NTRK2: variants seen among roughly 807,000 people sequenced by gnomAD.
NTRK2 encodes the protein BDNF/NT-3 growth factors receptor.
In NTRK2, 13 loss-of-function variants were observed where a neutral mutation model predicts 94.5. That is an observed-to-expected ratio of 0.14 (90% confidence interval 0.09 to 0.22). NTRK2 has a LOEUF of 0.22. NTRK2 is among the 10% of genes least tolerant of loss of function. The probability of loss-of-function intolerance (pLI) is 1.00; values close to 1 mark genes in which losing one functional copy is unlikely to be tolerated. For missense variants in NTRK2, 639 were observed against 1,071.2 expected, an observed-to-expected ratio of 0.60 and a Z score of 5.63; for synonymous variants, 372 against 407.4, an observed-to-expected ratio of 0.91 and a Z score of 1.05.
intron 12 of NTRK2, among the ~76,000 whole-genome samples, chr9:84,773,525 T>A (rs1453444037): frequency 6.6e-6 from 1 of 152,230 alleles, no homozygotes; most frequent in Non-Finnish European, 1.5e-5. Flanking sequence ...TTTCCATTGC[T>A]GATTTTAACG....
chr9:84,847,192 C>G (rs1056011674), intron 12 of NTRK2, among the ~76,000 whole-genome samples: 1 of 152,170 alleles, frequency 6.6e-6, no homozygotes, highest in Non-Finnish European at 1.5e-5. Flanking sequence ...ATTTACATCT[C>G]CATAACAGGC....
In NTRK2 at chr9:84,864,389, A is replaced by T. The variant is rs183371426; in HGVS notation, c.1445-2854A>T. On this transcript the variant is annotated intron_variant, in intron 13 of 18. Coordinates refer to ENST00000277120, the MANE Select transcript of NTRK2 (RefSeq NM_006180.6). ...AGGGGGGTGAGGGATAAAAGGCTAC[A>T]CATTGGGTACGGTGTTGCTGCTTGG... Among the ~76,000 whole-genome samples the T allele has an allele frequency of 1.1e-3, 175 of 152,278 alleles. 3 individuals carry two copies. Among genetic ancestry groups the T allele is most frequent in the African/African-American group, 4.1e-3 (170 of 41,568 alleles).
At chr9:85,020,115 A>G in intron 17 of NTRK2, 91 bp from the exon 18 acceptor site, 1 of 1,381,574 alleles carries the variant, frequency 7.2e-7, no homozygotes, top group Non-Finnish European at 1.0e-6. Context: ...TAAAGTGCAA[A>G]TAAGGAAAGC....
At chr9:84,774,445 C>T in intron 12 of NTRK2, among the ~76,000 whole-genome samples, 1 of 152,176 alleles carries the variant, frequency 6.6e-6, no homozygotes, top group Non-Finnish European at 1.5e-5. Context: ...TGGTAGATGT[C>T]ATTGACCCTT....
intron 12 of NTRK2, among the ~76,000 whole-genome samples, chr9:84,798,292 G>C (rs79717091): frequency 2.2e-4 from 34 of 152,196 alleles, no homozygotes; most frequent in African/African-American, 7.9e-4. Flanking sequence ...TGCCCCACCT[G>C]TTAATATCAT....
intron 14 of NTRK2, chr9:84,876,933 A>G (rs2076088107): frequency 1.9e-6 from 2 of 1,061,146 alleles, no homozygotes; most frequent in Middle Eastern, 4.2e-4. Context: ...ACTGAATTCT[A>G]CCTAGATTTT....
At chr9:84,789,325 G>C (rs2068476427) in intron 12 of NTRK2, among the ~76,000 whole-genome samples, 1 of 152,166 alleles carries the variant, frequency 6.6e-6, no homozygotes, top group African/African-American at 2.4e-5. Flanking sequence ...AGAAGCCTCG[G>C]TGAGGTGTAC....
chr9:84,920,610 G>C (rs1230239080), intron 14 of NTRK2, among the ~76,000 whole-genome samples: 1 of 152,156 alleles, frequency 6.6e-6, no homozygotes, highest in African/African-American at 2.4e-5. Flanking sequence ...ATGTTCTGAG[G>C]TGAGAATTCT....
intron 17 of NTRK2, among the ~76,000 whole-genome samples, chr9:84,967,036 G>A (rs952116493): frequency 1.3e-5 from 2 of 152,160 alleles, no homozygotes; most frequent in Non-Finnish European, 2.9e-5. Context: ...TAGGTTCATT[G>A]AACCATGACA....
chr9:84,877,606 T>G, intron 14 of NTRK2: 1 of 1,065,870 alleles, frequency 9.4e-7, no homozygotes, highest in Non-Finnish European at 1.1e-6. Flanking sequence ...CTGCACCATG[T>G]TGGGCTGCGG....
At chr9:84,871,080 T>A (rs1015214663) in intron 14 of NTRK2, among the ~76,000 whole-genome samples, 4 of 152,196 alleles carry the variant, frequency 2.6e-5, no homozygotes, top group Non-Finnish European at 4.4e-5. Context: ...AAATGATGGC[T>A]TGTTCCCTGC....
chr9:84,988,077 T>C (rs1828551754), intron 17 of NTRK2, among the ~76,000 whole-genome samples: 1 of 152,198 alleles, frequency 6.6e-6, no homozygotes, highest in African/African-American at 2.4e-5. Flanking sequence ...TTTAATCTGG[T>C]TTAAATGCTA....
intron 12 of NTRK2, among the ~76,000 whole-genome samples, chr9:84,833,620 GAGAA>G (rs1490157017): frequency 6.8e-5 from 10 of 148,022 alleles, no homozygotes; most frequent in South Asian, 4.6e-4. Flanking sequence ...GAAAGAGAGA[GAGAA>G]AGAAAGGCAG....
At position 84,691,405 on chromosome 9, in the gene NTRK2, A is replaced by G. The variant is rs952217067; in HGVS notation, c.213-10754A>G. 7.2e-5 allele frequency among the ~76,000 whole-genome samples: 11 copies of G among 152,132 alleles called. 1 individual carries two copies. The highest frequency in any genetic ancestry group is 2.7e-4 in the African/African-American group (11 of 41,428). On this transcript the variant is annotated intron_variant, in intron 2 of 18. Transcript: ENST00000277120. ...TATAACAGATACAACTCAGGATGTT[A>G]GACTCCCATTCCTACATGCCCTTTG...
At chr9:84,970,798 A>G (rs1452417268) in intron 17 of NTRK2, among the ~76,000 whole-genome samples, 2 of 152,196 alleles carry the variant, frequency 1.3e-5, no homozygotes, top group Non-Finnish European at 2.9e-5. Flanking sequence ...ATCTTAAAGA[A>G]CCCATACTTG....
intron 12 of NTRK2, among the ~76,000 whole-genome samples, chr9:84,821,815 TAGAGAGAGAGAGAGAG>T (rs55923826): frequency 2.0e-5 from 3 of 147,478 alleles, no homozygotes; most frequent in Admixed American, 6.7e-5. Flanking sequence ...GGGAGAGAAG[TAGAGAGAGAGAGAGAG>T]AGAGAGAGAG....
chr9:85,025,320 C>T lies in NTRK2; in HGVS notation c.*3883C>T, dbSNP rs1004337515. On this transcript the variant is annotated 3_prime_UTR_variant, in exon 19 of 19. Transcript: ENST00000277120. ...TCTTTCAGCACATTTGTATTATGCT[C>T]ACCTTGTCTCTGTCTCACTGTGACC... The T allele has an allele frequency of 1.3e-5, 3 of 233,086 alleles. No homozygotes were observed. The highest frequency in any genetic ancestry group is 5.6e-5 in the Admixed American group (1 of 17,776). 14.4% of individuals were successfully genotyped at this position (233,086 alleles called of 1,614,324 possible).
In NTRK2 at chr9:84,852,986, G is replaced by GT. The variant is rs11316998; in HGVS notation, c.1397-8042dup. Among the ~76,000 whole-genome samples, 813 of 146,062 alleles carry GT rather than the reference G, an allele frequency of 5.6e-3. 5 individuals carry two copies. Among genetic ancestry groups the GT allele is most frequent in the African/African-American group, 0.012 (481 of 39,800 alleles). On this transcript the variant is annotated intron_variant, in intron 12 of 18. Transcript: ENST00000277120. ...ATATAGCAAGCATTCAATAAATACT[G>GT]TTTTTTTTTTTTAATTGCTTTTGCA...
At chr9:84,987,786 A>G (rs962546658) in intron 17 of NTRK2, among the ~76,000 whole-genome samples, 1 of 152,248 alleles carries the variant, frequency 6.6e-6, no homozygotes, top group Admixed American at 6.5e-5. Flanking sequence ...AAAGAATTTT[A>G]ATGGTAGAAC....
Sources: allele counts gnomAD v4.1 joint callset (sites outside exome capture counted in the v4.1 genomes callset), GRCh38; gene constraint gnomAD v4.1.1; transcripts MANE v1.5; gene names NCBI Gene and HGNC (gene_info 2026-07-23, HGNC 2026-07-21).